Variants in ANKS1B observed in about 807,000 individuals in gnomAD.
The protein encoded by ANKS1B is ankyrin repeat and sterile alpha motif domain-containing protein 1B.
In ANKS1B, 36 loss-of-function variants were observed where a neutral mutation model predicts 148.3. That is an observed-to-expected ratio of 0.24 (90% CI 0.19 to 0.32). The LOEUF is 0.32. Among genes scored for constraint, ANKS1B ranks in the 10% least tolerant of loss-of-function variants. The probability of loss-of-function intolerance (pLI) is 1.00; values close to 1 mark genes in which losing one functional copy is unlikely to be tolerated. For synonymous variants in ANKS1B, 542 were observed against 560.8 expected, an observed-to-expected ratio of 0.97 and a Z score of 0.47; for missense variants, 1,157 against 1,542.6, an observed-to-expected ratio of 0.75 and a Z score of 4.19.
chr12:99,606,608 A>G (rs1284098834), intron 9 of ANKS1B, among the ~76,000 whole-genome samples: 2 of 152,074 alleles, frequency 1.3e-5, no homozygotes, highest in Non-Finnish European at 2.9e-5. Flanking sequence ...ATAATCATAT[A>G]TGTTTTCATA....
At chr12:99,951,286 C>G (rs559549032) in intron 1 of ANKS1B, among the ~76,000 whole-genome samples, 2 of 152,190 alleles carry the variant, frequency 1.3e-5, no homozygotes, top group Admixed American at 6.5e-5. Flanking sequence ...CCTTTTCAGT[C>G]TAGAGACTTA....
At chr12:98,783,091 ACTTAT>A (rs1429023689) in intron 22 of ANKS1B, among the ~76,000 whole-genome samples, 1 of 152,254 alleles carries the variant, frequency 6.6e-6, no homozygotes, top group African/African-American at 2.4e-5. Flanking sequence ...AAATCACCTC[ACTTAT>A]CTTTTGCCAT....
At chr12:98,942,984 CTT>C (rs2099839448) in intron 17 of ANKS1B, among the ~76,000 whole-genome samples, 1 of 152,108 alleles carries the variant, frequency 6.6e-6, no homozygotes, top group South Asian at 2.1e-4. Context: ...AAATTTCAGT[CTT>C]AAAAAATAGA....
intron 9 of ANKS1B, among the ~76,000 whole-genome samples, chr12:99,573,503 T>A (rs1302751866): frequency 1.3e-5 from 2 of 152,080 alleles, no homozygotes; most frequent in African/African-American, 2.4e-5. Context: ...TCACACACCA[T>A]GATCACTTTC....
At chr12:99,364,955 T>TC (rs948462430) in intron 12 of ANKS1B, among the ~76,000 whole-genome samples, 23 of 152,032 alleles carry the variant, frequency 1.5e-4, no homozygotes, top group Non-Finnish European at 2.9e-5. Context: ...TTAGAATTGG[T>TC]CCCCCCACCC....
At chr12:99,528,432 C>CAAAAAAAAAAAAAAAAAAAAAAA (rs537716638) in intron 9 of ANKS1B, among the ~76,000 whole-genome samples, 1 of 96,692 alleles carries the variant, frequency 1.0e-5, no homozygotes, top group Non-Finnish European at 2.2e-5. Flanking sequence ...AAAACAAAAA[C>CAAAAAAAAAAAAAAAAAAAAAAA]AAAAAAAAAA....
At chr12:99,156,488 A>G (rs74574218) in intron 14 of ANKS1B, among the ~76,000 whole-genome samples, 137 of 152,270 alleles carry the variant, frequency 9.0e-4, no homozygotes, top group African/African-American at 3.0e-3. Context: ...AACTCCTCTG[A>G]TGACATTTTG....
intron 11 of ANKS1B, among the ~76,000 whole-genome samples, chr12:99,405,808 T>C (rs1426099369): frequency 7.0e-6 from 1 of 142,790 alleles, no homozygotes; most frequent in Non-Finnish European, 1.5e-5. Flanking sequence ...ACTTCACCTA[T>C]AAAGATACAC....
At chr12:99,532,627 T>C (rs1233546234) in intron 9 of ANKS1B, among the ~76,000 whole-genome samples, 1 of 152,214 alleles carries the variant, frequency 6.6e-6, no homozygotes, top group Non-Finnish European at 1.5e-5. Flanking sequence ...CCCAAAGTGC[T>C]GGGATTACAG....
At chr12:98,800,668 G>T (rs2098994609) in intron 21 of ANKS1B, among the ~76,000 whole-genome samples, 1 of 22,906 alleles carries the variant, frequency 4.4e-5, no homozygotes, top group African/African-American at 1.2e-4. Flanking sequence ...TTTGGTGAGT[G>T]AGCAGAGATA....
At chr12:99,298,737 C>A (rs775146739) in intron 12 of ANKS1B, among the ~76,000 whole-genome samples, 2 of 152,142 alleles carry the variant, frequency 1.3e-5, no homozygotes, top group Non-Finnish European at 2.9e-5. Context: ...TTAATCCTGT[C>A]AATCTGGCCA....
At chr12:99,349,380 C>T (rs998512659) in intron 12 of ANKS1B, among the ~76,000 whole-genome samples, 4 of 151,692 alleles carry the variant, frequency 2.6e-5, no homozygotes, top group African/African-American at 9.7e-5. Context: ...ATTATACTAT[C>T]CAATTAAAAG....
rs188961343 is a variant in ANKS1B at position 99,046,019 on chromosome 12, A to C, written c.2778+7138T>G. On this transcript the variant is annotated intron_variant, in intron 17 of 26. Transcript: ENST00000683438. ...TGAAAAACCAGCTGAAAAGATGAGT[A>C]GGAATAGTCTTTAAAGTTCAAACTG... Among the ~76,000 whole-genome samples the C allele has an allele frequency of 2.3e-4, 35 of 152,334 alleles. No homozygotes were observed. The East Asian group carries it at 6.6e-3, about 29-fold the overall frequency.
intron 10 of ANKS1B, among the ~76,000 whole-genome samples, chr12:99,469,174 G>C (rs1157612764): frequency 6.6e-6 from 1 of 151,344 alleles, no homozygotes; most frequent in Non-Finnish European, 1.5e-5. Flanking sequence ...ATCATTCTCA[G>C]TAAACTATCG....
chr12:99,421,851 AT>A (rs1184712457), intron 11 of ANKS1B, among the ~76,000 whole-genome samples: 1 of 152,010 alleles, frequency 6.6e-6, no homozygotes, highest in Non-Finnish European at 1.5e-5. Context: ...CAAATCCTTC[AT>A]GTCTTGGTGC....
At chr12:99,108,633 T>C (rs2059696931) in intron 15 of ANKS1B, among the ~76,000 whole-genome samples, 1 of 152,200 alleles carries the variant, frequency 6.6e-6, no homozygotes, top group South Asian at 2.1e-4. Flanking sequence ...TTGACAATTT[T>C]ATTTATGAAC....
chr12:99,861,980 T>C (rs1042236063), intron 1 of ANKS1B, among the ~76,000 whole-genome samples: 1 of 58,340 alleles, frequency 1.7e-5, no homozygotes, highest in African/African-American at 6.6e-5. Context: ...GGGGCGGGGG[T>C]GGGGGGCTGA....
chr12:99,231,894 G>GCT (rs1269075992), intron 14 of ANKS1B, among the ~76,000 whole-genome samples: 1 of 152,108 alleles, frequency 6.6e-6, no homozygotes, highest in Non-Finnish European at 1.5e-5. Flanking sequence ...AGGAGAAAGA[G>GCT]CTCTGCCTGT....
intron 25 of ANKS1B, among the ~76,000 whole-genome samples, chr12:98,754,502 G>T (rs1566053881): frequency 1.3e-5 from 2 of 152,208 alleles, no homozygotes; most frequent in Non-Finnish European, 2.9e-5. Context: ...ATTCCCATCT[G>T]TTGGGGACAT....
Sources: gnomAD v4.1 joint callset for allele counts (sites outside exome capture counted in the v4.1 genomes callset) on GRCh38, gnomAD v4.1.1 for gene constraint, MANE v1.5 for transcripts, NCBI Gene and HGNC (gene_info 2026-07-23, HGNC 2026-07-21) for gene names.